The following ZFHX3 variants were observed in gnomAD, a reference collection of about 807,000 sequenced individuals.
The protein encoded by ZFHX3 is zinc finger homeobox 3.
Under a neutral mutation model 279.1 loss-of-function variants are expected in ZFHX3, and 42 were observed. The ratio of observed to expected loss-of-function variants is 0.15; its 90% CI spans 0.12 to 0.19. The LOEUF (loss-of-function observed/expected upper bound fraction) is 0.19. Among genes scored for constraint, ZFHX3 ranks in the 10% least tolerant of loss-of-function variants. The pLI, the probability that ZFHX3 is intolerant of heterozygous loss-of-function variation, is 1.00. For missense variants in ZFHX3, 4,981 were observed against 4,754.0 expected (o/e 1.05, Z -1.40); for synonymous variants, 2,293 against 1,957.8 (o/e 1.17, Z -4.52).
intron 1 of ZFHX3, among the ~76,000 whole-genome samples, chr16:73,689,974 G>A (rs913165274): frequency 5.3e-5 from 8 of 151,904 alleles, no homozygotes; most frequent in African/African-American, 1.9e-4. Context: ...GGAGTGCAGT[G>A]GCGCGATCTC....
At chr16:73,313,275 T>G (rs1320783965) in intron 4 of ZFHX3, among the ~76,000 whole-genome samples, 2 of 152,234 alleles carry the variant, frequency 1.3e-5, no homozygotes, top group African/African-American at 2.4e-5. Flanking sequence ...ATGAGTCAAT[T>G]AAACCTTTTT....
chr16:73,070,982 CCTTTT>C (rs1965819819), intron 8 of ZFHX3, among the ~76,000 whole-genome samples: 1 of 145,980 alleles, frequency 6.9e-6, no homozygotes, highest in South Asian at 2.2e-4. Context: ...ATCTGGGTGC[CCTTTT>C]CTTTCTCCCT....
At chr16:73,520,591 G>C (rs1249780926) in intron 2 of ZFHX3, among the ~76,000 whole-genome samples, 1 of 152,172 alleles carries the variant, frequency 6.6e-6, no homozygotes, top group South Asian at 2.1e-4. Context: ...AGCCCTGTCT[G>C]CTCTGGAAGA....
intron 3 of ZFHX3, among the ~76,000 whole-genome samples, chr16:73,347,941 C>T (rs564425482): frequency 6.6e-6 from 1 of 152,290 alleles, no homozygotes; most frequent in South Asian, 2.1e-4. Context: ...AGAGTGAAAA[C>T]TTTTGATATT....
intron 1 of ZFHX3, among the ~76,000 whole-genome samples, chr16:73,844,401 G>C (rs1402649792): frequency 6.6e-6 from 1 of 152,134 alleles, no homozygotes. Flanking sequence ...GAGTGAAGAT[G>C]AGAAAAGGAA....
chr16:73,725,584 T>C (rs536770170), intron 1 of ZFHX3, among the ~76,000 whole-genome samples: 2 of 151,112 alleles, frequency 1.3e-5, no homozygotes, highest in East Asian at 3.9e-4. Flanking sequence ...GAGGGAGGAA[T>C]CAGGGAATAG....
chr16:73,271,232 G>A (rs930024198), intron 4 of ZFHX3, among the ~76,000 whole-genome samples: 2 of 152,160 alleles, frequency 1.3e-5, no homozygotes, highest in African/African-American at 4.8e-5. Context: ...TCATGTGTGA[G>A]CCCTTGTCAT....
intron 2 of ZFHX3, among the ~76,000 whole-genome samples, chr16:73,658,993 A>G (rs368971799): frequency 6.6e-6 from 1 of 152,170 alleles, no homozygotes; most frequent in Admixed American, 6.5e-5. Context: ...AGGTAACCAA[A>G]GAGAAACGGA....
intron 5 of ZFHX3, among the ~76,000 whole-genome samples, chr16:73,238,888 C>G (rs1262906432): frequency 6.6e-6 from 1 of 152,206 alleles, no homozygotes; most frequent in East Asian, 1.9e-4. Context: ...TCCTCCTCCC[C>G]TTTCAAGACT....
At chr16:73,456,309 A>C (rs2018370575) in intron 2 of ZFHX3, 1 of 152,294 alleles carries the variant, frequency 6.6e-6, no homozygotes, top group East Asian at 1.9e-4. Context: ...TTAAACTGAG[A>C]TTAATTTTCA....
At chr16:73,058,342 G>A (rs1235925437) in intron 1 of ZFHX3, among the ~76,000 whole-genome samples, 2 of 148,368 alleles carry the variant, frequency 1.3e-5, no homozygotes, top group Non-Finnish European at 3.0e-5. Context: ...AGCGAGCAGG[G>A]CGCGGGCGCG....
At chr16:73,766,927 C>T (rs1350985615) in intron 1 of ZFHX3, among the ~76,000 whole-genome samples, 7 of 147,210 alleles carry the variant, frequency 4.8e-5, no homozygotes, top group Non-Finnish European at 1.0e-4. Context: ...GTGGGTTTTG[C>T]CATTACTTTT....
intron 7 of ZFHX3, among the ~76,000 whole-genome samples, chr16:73,099,999 T>C (rs780633011): frequency 6.6e-6 from 1 of 152,088 alleles, no homozygotes; most frequent in Non-Finnish European, 1.5e-5. Flanking sequence ...ACCATCTCAC[T>C]ATGGGTATCA....
intron 5 of ZFHX3, among the ~76,000 whole-genome samples, chr16:73,168,279 C>T (rs187324015): frequency 5.0e-4 from 72 of 143,638 alleles, no homozygotes; most frequent in African/African-American, 1.8e-3. Flanking sequence ...TTCTTTCTTT[C>T]GAGACAAAGT....
intron 9 of ZFHX3, chr16:72,789,724 A>G (rs1258486275): frequency 6.6e-6 from 1 of 152,260 alleles, no homozygotes; most frequent in Non-Finnish European, 1.5e-5. Context: ...GGCCCAGCTG[A>G]CCTGCTTCAA....
chr16:73,264,573 C>CT lies in ZFHX3; in HGVS notation c.-1193-7438dup, dbSNP rs926685750. The stretch of plus-strand genomic sequence containing the variant: ...GACACATGGACAAAGGAACAACCGA[C>CT]TTTTTTTTTTTTTAGTTTTTTATTT... On this transcript the variant is annotated intron_variant, in intron 4 of 17. Transcript: ENST00000641206. 8.4e-3 allele frequency among the ~76,000 whole-genome samples: 1,209 copies of CT among 144,346 alleles called. 15 individuals carry two copies. The highest frequency in any genetic ancestry group is 0.028 in the African/African-American group (1,098 of 39,554). 94.7% of individuals were successfully genotyped at this position (144,346 alleles called of 152,430 possible). A position where few individuals can be genotyped will look rare whatever the true frequency, so the allele number is the denominator to read the frequency against.
chr16:73,405,512 A>AAGAC (rs1288984106), intron 3 of ZFHX3, among the ~76,000 whole-genome samples: 1 of 152,204 alleles, frequency 6.6e-6, no homozygotes, highest in East Asian at 1.9e-4. Context: ...TGATCTCATC[A>AAGAC]AGACACAGAT....
rs184290526 is a variant in ZFHX3 at position 72,893,528 on chromosome 16, C to T, written c.3217-3566G>A. 1.7e-3 allele frequency among the ~76,000 whole-genome samples: 260 copies of T among 151,346 alleles called. 1 individual carries two copies. Among genetic ancestry groups the T allele is most frequent in the Middle Eastern group, 3.4e-3 (1 of 294 alleles). The stretch of plus-strand genomic sequence containing the variant: ...CCCTGGATTGAAATAAACATCATAC[C>T]GGGTACTCACACTTTAAAAAATGGA... On this transcript the variant is annotated intron_variant, in intron 3 of 9. Transcript: ENST00000268489.
intron 1 of ZFHX3, among the ~76,000 whole-genome samples, chr16:73,688,789 T>G (rs754091373): frequency 6.6e-6 from 1 of 152,182 alleles, no homozygotes; most frequent in Non-Finnish European, 1.5e-5. Flanking sequence ...AATTGAATCA[T>G]GGGGGCGGGT....
Sources: gnomAD v4.1 joint callset for allele counts (sites outside exome capture counted in the v4.1 genomes callset) on GRCh38, gnomAD v4.1.1 for gene constraint, MANE v1.5 for transcripts, NCBI Gene and HGNC (gene_info 2026-07-23, HGNC 2026-07-21) for gene names.